EIF3L: variants seen among roughly 807,000 people sequenced by gnomAD.
EIF3L encodes the protein eIEF associated protein HSPC021.
EIF3L carries 32 observed loss-of-function variants against 74.6 expected under a neutral mutation model. The observed-to-expected ratio is 0.43, with a 90% CI of 0.32 to 0.58. EIF3L has a LOEUF of 0.58. Ranked by LOEUF, EIF3L falls within the 20% of genes least tolerant of loss-of-function variation. EIF3L has a pLI of 0.06. For missense variants in EIF3L, 474 were observed against 707.8 expected (o/e 0.67, Z 3.75); for synonymous variants, 256 against 254.4 (o/e 1.01, Z -0.06).
rs772490796 is a variant in EIF3L, at chr22:37,864,020, G to A, written c.579+675G>A. ...GCGGAGCTTGCAGTGAGCCAAGATC[G>A]TGCCACTGCACTCCAGCCTGGTAAC... On this transcript the variant is annotated intron_variant, in intron 7 of 12. Coordinates refer to ENST00000652021, the MANE Select transcript of EIF3L (RefSeq NM_016091.4). Among the ~76,000 whole-genome samples, 4 of 151,846 alleles carry A rather than the reference G, an allele frequency of 2.6e-5. No homozygotes were observed. The East Asian group carries it at 5.8e-4, about 22-fold the overall frequency.
intron 11 of EIF3L, chr22:37,881,422 T>G (rs946348035): frequency 2.6e-5 from 4 of 152,160 alleles, no homozygotes; most frequent in Non-Finnish European, 5.9e-5. Context: ...GTTTTCTTTT[T>G]TTTTAGACTG....
chr22:37,855,557 A>G lies in EIF3L; in HGVS notation c.294-8A>G. On this transcript the variant is annotated splice_region_variant and splice_polypyrimidine_tract_variant and intron_variant, in intron 3 of 12. Coordinates refer to ENST00000652021, the MANE Select transcript of EIF3L (RefSeq NM_016091.4). ...TGGAATTTTAGAGATTTTTTTCTTG[A>G]TTTTTAGCTGGACCAAGCTGACTGA... The G allele has an allele frequency of 1.2e-6, 2 of 1,613,512 alleles. No homozygotes were observed. The highest frequency in any genetic ancestry group is 1.7e-6 in the Non-Finnish European group (2 of 1,179,676).
chr22:37,886,031 A>T (rs976030719), intron 11 of EIF3L: 7 of 151,894 alleles, frequency 4.6e-5, no homozygotes, highest in African/African-American at 1.4e-4. Flanking sequence ...TCTACTAAAA[A>T]CATACAAAAA....
chr22:37,855,138 A>G (rs74716580), intron 3 of EIF3L, among the ~76,000 whole-genome samples: 2 of 152,174 alleles, frequency 1.3e-5, no homozygotes, highest in East Asian at 3.8e-4. Context: ...CAGTGTTTAA[A>G]TTGGATGCTG....
At chr22:37,854,029 G>A (rs968144795) in intron 3 of EIF3L, among the ~76,000 whole-genome samples, 4 of 152,212 alleles carry the variant, frequency 2.6e-5, no homozygotes, top group African/African-American at 9.6e-5. Context: ...GGCAGTGCCC[G>A]CAGATACAGA....
At chr22:37,850,099 G>A (rs1925103399) in intron 2 of EIF3L, 36 bp downstream of exon 2, 1 of 1,610,968 alleles carries the variant, frequency 6.2e-7, no homozygotes, top group African/African-American at 1.3e-5. Flanking sequence ...AGTACTCGTA[G>A]GGATCAGTTC....
At chr22:37,885,328 A>T (rs534106866) in intron 11 of EIF3L, 4 of 152,110 alleles carry the variant, frequency 2.6e-5, no homozygotes, top group Non-Finnish European at 5.9e-5. Flanking sequence ...ATTCTCAACT[A>T]ATCTGGGTAG....
intron 7 of EIF3L, 118 bp from the exon 8 acceptor site, chr22:37,870,058 T>G (rs1484560093): frequency 1.5e-5 from 12 of 803,096 alleles, no homozygotes; most frequent in Non-Finnish European, 2.3e-5. Flanking sequence ...GAAGTGGTCA[T>G]CTCACCCTCA....
intron 3 of EIF3L, among the ~76,000 whole-genome samples, chr22:37,854,754 A>C (rs1337809990): frequency 6.6e-6 from 1 of 152,208 alleles, no homozygotes; most frequent in Non-Finnish European, 1.5e-5. Flanking sequence ...GGTGTGAGCC[A>C]GCGCGCCTGG....
intron 11 of EIF3L, chr22:37,883,288 C>A (rs1927149841): frequency 7.7e-6 from 1 of 129,370 alleles, no homozygotes; most frequent in Non-Finnish European, 1.6e-5. Context: ...AAGAGTGAAA[C>A]TCCGTCTCAA....
chr22:37,861,259 T>G (rs879424639), intron 5 of EIF3L, among the ~76,000 whole-genome samples: 3 of 152,088 alleles, frequency 2.0e-5, no homozygotes, highest in Admixed American at 6.6e-5. Flanking sequence ...CCGCTTGATA[T>G]GGCTAGAACT....
rs764649097 is a variant in EIF3L at position 37,858,660 on chromosome 22, C to G, written c.374-19C>G. On this transcript the variant is annotated intron_variant, in intron 4 of 12. Transcript: ENST00000652021. ...CCAGTTTTATGGTTAGTGAAGCACC[C>G]TTCTGCCATCTCTTTCAGATGCTGT... 11 of 1,608,698 alleles carry G rather than the reference C, an allele frequency of 6.8e-6. 1 individual carries two copies. The South Asian group carries it at 1.2e-4, about 18-fold the overall frequency.
chr22:37,870,641 T>A (rs778355058), intron 8 of EIF3L, among the ~76,000 whole-genome samples: 1 of 152,198 alleles, frequency 6.6e-6, no homozygotes, highest in Non-Finnish European at 1.5e-5. Flanking sequence ...CACGTGTTGG[T>A]GTCAGAGCCA....
In EIF3L at chr22:37,851,317, TG is replaced by T; in HGVS notation, c.121del (p.Glu41AsnfsTer7). 6.2e-7 allele frequency: 1 copy of T among 1,614,212 alleles called. No homozygotes were observed. Among genetic ancestry groups the T allele is most frequent in the Non-Finnish European group, 8.5e-7 (1 of 1,180,030 alleles). On this transcript the variant is annotated frameshift_variant, in exon 3 of 13. Transcript: ENST00000652021. LOFTEE classifies it high-confidence loss of function. ...KQDLAYERQY[E>X]QQTYQVIPEV... ...AGGACCTTGCTTATGAACGTCAGTA[TG>T]AACAGCAAACCTATCAGGTGATCCC... is the stretch of plus-strand genomic sequence containing the variant.
chr22:37,882,853 A>T (rs1927122360), intron 11 of EIF3L: 1 of 152,002 alleles, frequency 6.6e-6, no homozygotes, highest in African/African-American at 2.4e-5. Flanking sequence ...TACAAAAATT[A>T]GCTGGGCGTG....
At chr22:37,864,286 C>A (rs1278985330) in intron 7 of EIF3L, among the ~76,000 whole-genome samples, 2 of 152,148 alleles carry the variant, frequency 1.3e-5, no homozygotes, top group African/African-American at 4.8e-5. Context: ...AACTCCTGGC[C>A]TCAAGTGAGC....
At chr22:37,880,330 G>T (rs1926985091) in intron 11 of EIF3L, 1 of 151,890 alleles carries the variant, frequency 6.6e-6, no homozygotes, top group Admixed American at 6.6e-5. Flanking sequence ...AGCCAGGATG[G>T]TCTCAATCTC....
At chr22:37,878,360 A>G in intron 11 of EIF3L, 189 bp downstream of exon 11, 3 of 612,914 alleles carry the variant, frequency 4.9e-6, no homozygotes, top group South Asian at 2.9e-5. Context: ...TGGGAGGATC[A>G]CTCTAGCCCA....
chr22:37,858,498 G>A (rs1925663761), intron 4 of EIF3L, 181 bp from the exon 5 acceptor site: 2 of 660,008 alleles, frequency 3.0e-6, no homozygotes, highest in African/African-American at 1.8e-5. Context: ...AGAGATTGAG[G>A]TTGATGGAGT....
Sources: gnomAD v4.1 joint callset for allele counts (sites outside exome capture counted in the v4.1 genomes callset) on GRCh38, gnomAD v4.1.1 for gene constraint, MANE v1.5 for transcripts, NCBI Gene and HGNC (gene_info 2026-07-23, HGNC 2026-07-21) for gene names.